HNMT: variants seen among roughly 807,000 people sequenced by gnomAD.
HNMT encodes the protein histamine N-methyltransferase.
Under a neutral mutation model 32.1 loss-of-function variants are expected in HNMT, and 30 were observed. That is an observed-to-expected ratio of 0.93 (90% CI 0.70 to 1.27). HNMT has a LOEUF of 1.27. Ranked by LOEUF, HNMT falls within the 50% of genes most tolerant of loss-of-function variation. HNMT has a pLI of 0.00. For synonymous variants in HNMT, 125 were observed against 119.0 expected (o/e 1.05, Z -0.33); for missense variants, 327 against 346.0 (o/e 0.95, Z 0.43).
intron 5 of HNMT, among the ~76,000 whole-genome samples, chr2:138,005,634 T>G (rs1042973883): frequency 6.6e-6 from 1 of 152,092 alleles, no homozygotes; most frequent in Admixed American, 6.6e-5. Context: ...TCAGATGTCA[T>G]CATTTTTAAT....
chr2:138,002,399 C>G, intron 4 of HNMT: 1 of 990,318 alleles, frequency 1.0e-6, no homozygotes, highest in Non-Finnish European at 1.3e-6. Flanking sequence ...CCAGTTTTCT[C>G]TAATCAAAAT....
rs2104915141 is a variant in HNMT, at chr2:137,964,569, C to T, written c.78C>T (p.Ser26=). The T allele has an allele frequency of 1.9e-6, 3 of 1,613,672 alleles. No individual in the cohort carries two copies. Among genetic ancestry groups the T allele is most frequent in the East Asian group, 4.5e-5 (2 of 44,864 alleles). Residue 26 remains serine (S), a synonymous_variant, in exon 1 of 6, where the codon TCC becomes TCT. Transcript: ENST00000280097. Reference sequence around the variant, plus strand: ...CTTTCCGGAGGTTTCTCAACCATTCCACGGAACACCAGTGCATGCAGGAAT... The same window carrying T: ...CTTTCCGGAGGTTTCTCAACCATTCTACGGAACACCAGTGCATGCAGGAAT... ...VESFRRFLNH[S]TEHQCMQEFM... is the part of the protein sequence containing the mutation.
At chr2:137,979,003 A>G (rs932236872) in intron 2 of HNMT, among the ~76,000 whole-genome samples, 30 of 142,056 alleles carry the variant, frequency 2.1e-4, no homozygotes, top group Non-Finnish European at 3.6e-4. Flanking sequence ...AATACATTAT[A>G]TAATATTCTT....
At position 137,967,019 on chromosome 2, in the gene HNMT, G is replaced by A. The variant is rs180738969; in HGVS notation, c.137+2391G>A. The A allele has an allele frequency of 5.7e-4, 441 of 772,936 alleles. 1 individual carries two copies. The highest frequency in any genetic ancestry group is 1.4e-4 in the Admixed American group (8 of 57,152). 47.9% of individuals were successfully genotyped at this position (772,936 alleles called of 1,614,324 possible). ...AAAATCCCTTGGTTCTATGTTAATC[G>A]TTTGACTGGATATAGAACTCTATAC... is the stretch of plus-strand genomic sequence containing the variant. On this transcript the variant is annotated intron_variant, in intron 1 of 5. Coordinates refer to ENST00000280097, the MANE Select transcript of HNMT (RefSeq NM_006895.3).
chr2:138,004,983 G>T, intron 4 of HNMT, 149 bp from the exon 5 acceptor site: 1 of 557,928 alleles, frequency 1.8e-6, no homozygotes, highest in Non-Finnish European at 3.2e-6. Context: ...ATGTCTTCAT[G>T]CAACGTCTTT....
In HNMT at chr2:138,016,060, T is replaced by C. The variant is rs1681652677; in HGVS notation, c.*1930T>C. The C allele has an allele frequency of 1.3e-5, 2 of 152,226 alleles. No homozygotes were observed. The highest frequency in any genetic ancestry group is 2.4e-5 in the African/African-American group (1 of 41,554). 9.4% of individuals were successfully genotyped at this position (152,226 alleles called of 1,614,324 possible). A position where few individuals can be genotyped will look rare whatever the true frequency, so the allele number is the denominator to read the frequency against. Reference sequence around the variant, plus strand: ...AATTCAAGGGATAAACCTATCCCTGTTTTCTTCCTGCACTGTATGATAATA... The same window carrying C: ...AATTCAAGGGATAAACCTATCCCTGCTTTCTTCCTGCACTGTATGATAATA... On this transcript the variant is annotated 3_prime_UTR_variant, in exon 6 of 6. Transcript: ENST00000280097.
intron 5 of HNMT, among the ~76,000 whole-genome samples, chr2:138,011,040 T>C (rs1044334045): frequency 4.6e-5 from 7 of 152,002 alleles, no homozygotes; most frequent in Admixed American, 3.9e-4. Context: ...GCTTACATCA[T>C]GTTGAAAACA....
chr2:138,002,842 C>T, intron 4 of HNMT: 1 of 883,672 alleles, frequency 1.1e-6, no homozygotes, highest in Non-Finnish European at 1.4e-6. Context: ...TTTGGGTGGA[C>T]CAATGTCCCA....
At chr2:137,992,162 T>C (rs1680839872) in intron 2 of HNMT, among the ~76,000 whole-genome samples, 1 of 152,104 alleles carries the variant, frequency 6.6e-6, no homozygotes, top group Admixed American at 6.5e-5. Context: ...GACTCTTAGC[T>C]TCTCGGTTGG....
chr2:138,002,994 A>G (rs1681224220), intron 4 of HNMT, among the ~76,000 whole-genome samples: 2 of 149,694 alleles, frequency 1.3e-5, no homozygotes, highest in Admixed American at 6.7e-5. Flanking sequence ...ACAAAAAACC[A>G]AACACCGCAT....
intron 2 of HNMT, among the ~76,000 whole-genome samples, chr2:137,976,282 A>G (rs1487761686): frequency 1.5e-3 from 3 of 1,936 alleles, no homozygotes; most frequent in Non-Finnish European, 9.4e-3. Flanking sequence ...ACAAAAAACA[A>G]AAAAAAAAAA....
At chr2:137,969,281 A>T (rs377214956) in intron 1 of HNMT, among the ~76,000 whole-genome samples, 1 of 152,220 alleles carries the variant, frequency 6.6e-6, no homozygotes, top group South Asian at 2.1e-4. Flanking sequence ...ATAACTCTGC[A>T]ATATCTTTGG....
intron 2 of HNMT, among the ~76,000 whole-genome samples, chr2:137,978,421 T>C (rs1680355583): frequency 6.9e-6 from 1 of 145,508 alleles, no homozygotes; most frequent in Non-Finnish European, 1.5e-5. Flanking sequence ...TTATATAATA[T>C]AGTATTATAT....
At chr2:137,983,675 G>C (rs1244492867) in intron 2 of HNMT, among the ~76,000 whole-genome samples, 1 of 152,130 alleles carries the variant, frequency 6.6e-6, no homozygotes, top group African/African-American at 2.4e-5. Context: ...AAATTTGTGG[G>C]GAAATGACAG....
rs1297969732 is a variant in HNMT at position 138,013,867 on chromosome 2, C to T, written c.616C>T (p.Gln206Ter). Residue 206 changes from glutamine (Q) to a stop codon, truncating the protein, a stop_gained, in exon 6 of 6, where the codon CAG becomes TAG. Transcript: ENST00000280097. LOFTEE classifies it high-confidence loss of function. ...GTATATCACATCAGATGACCTCACT[C>T]AGATGCTGGACAACCTAGGGCTTAA... is the stretch of plus-strand genomic sequence containing the variant. ...CQYITSDDLT[Q>*]MLDNLGLKYE... The T allele has an allele frequency of 1.2e-6, 2 of 1,613,812 alleles. No individual in the cohort carries two copies. The highest frequency in any genetic ancestry group is 2.2e-5 in the East Asian group (1 of 44,872).
intron 5 of HNMT, among the ~76,000 whole-genome samples, chr2:138,010,374 G>A: frequency 6.7e-6 from 1 of 150,230 alleles, no homozygotes; most frequent in Non-Finnish European, 1.5e-5. Flanking sequence ...GAGAACACAG[G>A]AAGTTCTGGA....
chr2:137,981,228 G>A (rs780766595), intron 2 of HNMT: 9 of 1,612,850 alleles, frequency 5.6e-6, no homozygotes, highest in Admixed American at 3.3e-5. Flanking sequence ...TGTCTCATTC[G>A]GGGAAGCTCC....
intron 2 of HNMT, among the ~76,000 whole-genome samples, chr2:137,977,925 CA>C (rs1361434323): frequency 2.0e-5 from 3 of 151,906 alleles, no homozygotes; most frequent in Non-Finnish European, 4.4e-5. Context: ...CTTGCCTCCC[CA>C]CCCCCCATCT....
chr2:137,966,256 G>T (rs1679953936), intron 1 of HNMT, among the ~76,000 whole-genome samples: 1 of 152,100 alleles, frequency 6.6e-6, no homozygotes, highest in African/African-American at 2.4e-5. Context: ...AACATCAAAT[G>T]GTTCTAAAGT....
Sources: allele counts gnomAD v4.1 joint callset (sites outside exome capture counted in the v4.1 genomes callset), GRCh38; gene constraint gnomAD v4.1.1; transcripts MANE v1.5; gene names NCBI Gene and HGNC (gene_info 2026-07-23, HGNC 2026-07-21).